The following TAB2 variants were observed in gnomAD, a reference collection of about 807,000 sequenced individuals.
The protein encoded by TAB2 is TGF-beta activated kinase 1 (MAP3K7) binding protein 2.
In TAB2, 3 loss-of-function variants were observed where a neutral mutation model predicts 65.0. The observed-to-expected ratio is 0.05, with a 90% CI of 0.02 to 0.12. The LOEUF (loss-of-function observed/expected upper bound fraction) is 0.12, where lower values mean the gene tolerates loss of function less well. TAB2 is among the 10% of genes least tolerant of loss of function. The pLI is 1.00. For missense variants in TAB2, 623 were observed against 840.3 expected (o/e 0.74, Z 3.20); for synonymous variants, 298 against 285.1 (o/e 1.05, Z -0.46).
chr6:149,378,982 A>G lies in TAB2; in HGVS notation c.1067A>G (p.Asn356Ser), dbSNP rs370151587. The G allele has an allele frequency of 1.9e-5, 30 of 1,614,192 alleles. No homozygotes were observed. Among genetic ancestry groups the G allele is most frequent in the Middle Eastern group, 1.6e-4 (1 of 6,062 alleles). The change falls in exon 3 of 7, where the codon AAT becomes AGT. Residue 356 changes from asparagine to serine, a missense_variant. Transcript: ENST00000637181. ...PRTSSTSSSV[N>S]SQTLNRNQPT... ...ACCTCCAGCACTTCCTCTTCAGTCA[A>G]TAGCCAGACCTTAAACAGAAATCAG...
intron 1 of TAB2, among the ~76,000 whole-genome samples, chr6:149,349,162 T>C (rs948539586): frequency 6.6e-6 from 1 of 152,028 alleles, no homozygotes; most frequent in African/African-American, 2.4e-5. Context: ...GTCTCACGCC[T>C]GTAACCCCAG....
Position 149,379,026 on chromosome 6 carries a change from G to T in TAB2, c.1111G>T (p.Ala371Ser). Residue 371 changes from alanine (A) to serine (S), a missense_variant, in exon 3 of 7, where the codon GCC (alanine) becomes TCC (serine). By Grantham distance (99) the Ala-to-Ser change is moderately conservative. Coordinates refer to ENST00000637181, the MANE Select transcript of TAB2 (RefSeq NM_001292034.3). ...NRNQPTVYIA[A>S]SPPNTDELMS... ...AAATCAGCCCACTGTTTACATAGCTGCCAGCCCCCCAAATACGGATGAGCT... is the reference window on the plus strand; with the variant it reads ...AAATCAGCCCACTGTTTACATAGCTTCCAGCCCCCCAAATACGGATGAGCT... 2.5e-6 allele frequency: 4 copies of T among 1,614,130 alleles called. No individual in the cohort carries two copies. The highest frequency in any genetic ancestry group is 3.4e-6 in the Non-Finnish European group (4 of 1,180,032).
At chr6:149,226,939 A>G (rs1246978330) in intron 1 of TAB2, among the ~76,000 whole-genome samples, 1 of 152,238 alleles carries the variant, frequency 6.6e-6, no homozygotes, top group Non-Finnish European at 1.5e-5. Flanking sequence ...GAACAAATGA[A>G]TTAAGAGGGT....
chr6:149,249,144 A>G (rs1358051028), intron 1 of TAB2, among the ~76,000 whole-genome samples: 2 of 98,728 alleles, frequency 2.0e-5, no homozygotes, highest in Non-Finnish European at 3.8e-5. Context: ...ATACACACAC[A>G]CACACACATA....
At chr6:149,225,233 T>G (rs573067) in intron 1 of TAB2, among the ~76,000 whole-genome samples, 3 of 152,158 alleles carry the variant, frequency 2.0e-5, no homozygotes, top group Non-Finnish European at 4.4e-5. Flanking sequence ...GAAATATCAG[T>G]AATATCAACT....
chr6:149,362,498 C>T (rs762103096), intron 1 of TAB2, among the ~76,000 whole-genome samples: 9 of 152,122 alleles, frequency 5.9e-5, no homozygotes, highest in Non-Finnish European at 1.2e-4. Flanking sequence ...ATGAGAAATC[C>T]GTCTCCATGA....
chr6:149,309,767 T>C (rs1395709256), intron 1 of TAB2, among the ~76,000 whole-genome samples: 5 of 152,130 alleles, frequency 3.3e-5, no homozygotes, highest in Admixed American at 3.3e-4. Flanking sequence ...TTTTGATATA[T>C]AATGTGTTTA....
intron 1 of TAB2, among the ~76,000 whole-genome samples, chr6:149,348,234 C>A (rs1780366905): frequency 6.6e-6 from 1 of 151,928 alleles, no homozygotes; most frequent in South Asian, 2.1e-4. Flanking sequence ...CAAAAAAATA[C>A]AATAATTAGC....
chr6:149,397,346 C>A (rs898572516), intron 3 of TAB2, among the ~76,000 whole-genome samples: 6 of 151,642 alleles, frequency 4.0e-5, no homozygotes, highest in African/African-American at 1.5e-4. Context: ...GAGGCTGAGG[C>A]AGGAGAATCA....
intron 1 of TAB2, among the ~76,000 whole-genome samples, chr6:149,273,420 C>T (rs544985650): frequency 6.6e-6 from 1 of 152,102 alleles, no homozygotes. Flanking sequence ...CTCGTGAAAA[C>T]GGGCTGGGAG....
chr6:149,333,602 C>A (rs1779846042), intron 1 of TAB2, among the ~76,000 whole-genome samples: 1 of 152,028 alleles, frequency 6.6e-6, no homozygotes, highest in Admixed American at 6.6e-5. Flanking sequence ...CACTTTTGAG[C>A]TTTACAAGAC....
intron 1 of TAB2, among the ~76,000 whole-genome samples, chr6:149,248,895 T>G (rs1363726515): frequency 6.6e-6 from 1 of 151,986 alleles, no homozygotes; most frequent in Non-Finnish European, 1.5e-5. Context: ...GCTATTCATC[T>G]CCTGCCACAG....
intron 6 of TAB2, among the ~76,000 whole-genome samples, chr6:149,402,370 C>T (rs1782459711): frequency 6.6e-6 from 1 of 151,790 alleles, no homozygotes; most frequent in African/African-American, 2.4e-5. Flanking sequence ...ATTGATATCA[C>T]CTATTAAAGC....
At chr6:149,403,369 C>CAT (rs1554265476) in intron 6 of TAB2, among the ~76,000 whole-genome samples, 5 of 127,148 alleles carry the variant, frequency 3.9e-5, no homozygotes, top group Admixed American at 2.4e-4. Flanking sequence ...CACACACACA[C>CAT]ACACATACAC....
intron 1 of TAB2, among the ~76,000 whole-genome samples, chr6:149,358,137 T>C (rs982772878): frequency 1.3e-5 from 2 of 152,236 alleles, no homozygotes; most frequent in Non-Finnish European, 2.9e-5. Flanking sequence ...ATAAGTTGAG[T>C]ATCCCTTATT....
intron 3 of TAB2, among the ~76,000 whole-genome samples, chr6:149,396,916 C>T (rs1782190956): frequency 6.6e-6 from 1 of 152,154 alleles, no homozygotes; most frequent in Non-Finnish European, 1.5e-5. Context: ...TATTAGAATG[C>T]TTCATTCATA....
At chr6:149,293,901 T>G (rs1778827244) in intron 1 of TAB2, among the ~76,000 whole-genome samples, 1 of 152,120 alleles carries the variant, frequency 6.6e-6, no homozygotes, top group Non-Finnish European at 1.5e-5. Flanking sequence ...TATAAAAAAT[T>G]TGTTTCAATG....
At chr6:149,373,800 A>T (rs1302478144) in intron 2 of TAB2, among the ~76,000 whole-genome samples, 5 of 152,182 alleles carry the variant, frequency 3.3e-5, no homozygotes, top group African/African-American at 1.2e-4. Context: ...AGAGTCTTCT[A>T]CCCTTTCTCA....
intron 1 of TAB2, among the ~76,000 whole-genome samples, chr6:149,228,987 C>T (rs1281799752): frequency 6.6e-6 from 1 of 152,190 alleles, no homozygotes; most frequent in South Asian, 2.1e-4. Context: ...AACAACTCTT[C>T]TTGTTTGAGA....
Sources: gnomAD v4.1 joint callset for allele counts (sites outside exome capture counted in the v4.1 genomes callset) on GRCh38, gnomAD v4.1.1 for gene constraint, MANE v1.5 for transcripts, NCBI Gene and HGNC (gene_info 2026-07-23, HGNC 2026-07-21) for gene names.